The following LRMDA variants were observed in gnomAD, a reference collection of about 807,000 sequenced individuals.
LRMDA encodes leucine rich melanocyte differentiation associated.
Under a neutral mutation model 29.8 loss-of-function variants are expected in LRMDA, and 18 were observed. That is an observed-to-expected ratio of 0.60 (90% CI 0.42 to 0.90). LRMDA has a LOEUF of 0.90. Among genes scored for constraint, LRMDA ranks in the 40% least tolerant of loss-of-function variants. The probability of loss-of-function intolerance (pLI) is 0.00; values close to 1 mark genes in which losing one functional copy is unlikely to be tolerated. For synonymous variants in LRMDA, 125 were observed against 109.4 expected, an observed-to-expected ratio of 1.14 and a Z score of -0.89; for missense variants, 273 against 273.9, an observed-to-expected ratio of 1.00 and a Z score of 0.02.
intron 2 of LRMDA, among the ~76,000 whole-genome samples, chr10:75,945,397 C>T (rs1172545837): frequency 6.6e-6 from 1 of 152,196 alleles, no homozygotes; most frequent in African/African-American, 2.4e-5. Flanking sequence ...TTTCTGGGAT[C>T]ACTCCCTTCA....
chr10:76,527,750 T>C (rs1359854320), intron 6 of LRMDA, among the ~76,000 whole-genome samples: 4 of 152,176 alleles, frequency 2.6e-5, no homozygotes, highest in Non-Finnish European at 5.9e-5. Context: ...TTGCCAGTAT[T>C]CAAACTCTAA....
chr10:76,490,969 T>C (rs189637221), intron 6 of LRMDA, among the ~76,000 whole-genome samples: 2 of 151,984 alleles, frequency 1.3e-5, no homozygotes, highest in African/African-American at 4.8e-5. Flanking sequence ...ACAAATAATA[T>C]GAGGCTTGCA....
chr10:75,747,196 A>G (rs1589184574), intron 2 of LRMDA, among the ~76,000 whole-genome samples: 1 of 152,146 alleles, frequency 6.6e-6, no homozygotes, highest in Non-Finnish European at 1.5e-5. Flanking sequence ...AATTTTTCGT[A>G]TCTTTTATTA....
chr10:76,128,856 G>T (rs72815521), intron 5 of LRMDA, among the ~76,000 whole-genome samples: 21,993 of 152,138 alleles, frequency 0.14, 1,957 homozygotes, highest in Admixed American at 0.23. Flanking sequence ...TTCTATCTAA[G>T]GCAAATTCAT....
chr10:75,947,175 T>C (rs1846490180), intron 2 of LRMDA, among the ~76,000 whole-genome samples: 1 of 152,178 alleles, frequency 6.6e-6, no homozygotes, highest in Admixed American at 6.5e-5. Flanking sequence ...TTAATCCTAG[T>C]GTGGTACTAG....
At chr10:75,574,817 C>T (rs1222826464) in intron 2 of LRMDA, among the ~76,000 whole-genome samples, 1 of 152,152 alleles carries the variant, frequency 6.6e-6, no homozygotes, top group Non-Finnish European at 1.5e-5. Flanking sequence ...TCCCTGAAGT[C>T]CCTTCAGGCA....
chr10:75,483,275 A>G (rs1352624043), intron 2 of LRMDA, among the ~76,000 whole-genome samples: 1 of 152,182 alleles, frequency 6.6e-6, no homozygotes, highest in African/African-American at 2.4e-5. Flanking sequence ...ATTGCTGTGT[A>G]TGACATTCAT....
rs549673339 is a variant in LRMDA, at chr10:76,401,673, G to C, written c.601+77188G>C. ...CACATGCCCTGTATTCCAGGTCACA[G>C]AGTAAGGACCCTGGGTACCTGGGAG... On this transcript the variant is annotated intron_variant, in intron 6 of 6. Coordinates refer to ENST00000611255, the MANE Select transcript of LRMDA (RefSeq NM_001305581.2). Among the ~76,000 whole-genome samples, 5 of 152,274 alleles carry C rather than the reference G, an allele frequency of 3.3e-5. 1 individual carries two copies. The highest frequency in any genetic ancestry group is 1.2e-4 in the African/African-American group (5 of 41,548).
At chr10:75,490,115 C>T (rs1295794316) in intron 2 of LRMDA, among the ~76,000 whole-genome samples, 1 of 152,152 alleles carries the variant, frequency 6.6e-6, no homozygotes, top group Admixed American at 6.5e-5. Flanking sequence ...CTTTCCTACT[C>T]TCTAAATGGA....
intron 6 of LRMDA, among the ~76,000 whole-genome samples, chr10:76,513,340 T>G (rs1843027029): frequency 6.6e-6 from 1 of 152,216 alleles, no homozygotes; most frequent in African/African-American, 2.4e-5. Context: ...ATATTTTTAG[T>G]ACATTTTAGA....
chr10:76,394,991 A>G (rs985508274), intron 6 of LRMDA, among the ~76,000 whole-genome samples: 1 of 152,182 alleles, frequency 6.6e-6, no homozygotes, highest in African/African-American at 2.4e-5. Context: ...TTTAGGCTTA[A>G]TTCTCATAAG....
At chr10:75,643,976 T>C (rs995301730) in intron 2 of LRMDA, among the ~76,000 whole-genome samples, 1 of 152,200 alleles carries the variant, frequency 6.6e-6, no homozygotes, top group Non-Finnish European at 1.5e-5. Context: ...TAAGAATAAT[T>C]AGGTGGCATG....
intron 2 of LRMDA, among the ~76,000 whole-genome samples, chr10:75,830,062 G>T (rs184163879): frequency 1.3e-5 from 2 of 152,160 alleles, no homozygotes; most frequent in Non-Finnish European, 2.9e-5. Context: ...GATGGAGTGG[G>T]AAGCATTTTT....
chr10:75,608,381 G>A (rs1048493684), intron 2 of LRMDA, among the ~76,000 whole-genome samples: 17 of 152,094 alleles, frequency 1.1e-4, no homozygotes, highest in African/African-American at 3.4e-4. Flanking sequence ...TTTCAGTTAT[G>A]TAGGATGTAA....
chr10:76,462,800 G>T (rs1198340690), intron 6 of LRMDA, among the ~76,000 whole-genome samples: 1 of 152,178 alleles, frequency 6.6e-6, no homozygotes. Flanking sequence ...AGCACACAGG[G>T]AACAGTGGGG....
At chr10:75,959,126 A>T (rs1340828962) in intron 2 of LRMDA, among the ~76,000 whole-genome samples, 1 of 152,188 alleles carries the variant, frequency 6.6e-6, no homozygotes, top group Non-Finnish European at 1.5e-5. Flanking sequence ...AGTAAGTGGC[A>T]GATCTGAGAA....
chr10:75,887,060 G>T (rs1199252787), intron 2 of LRMDA, among the ~76,000 whole-genome samples: 2 of 151,856 alleles, frequency 1.3e-5, no homozygotes, highest in Non-Finnish European at 2.9e-5. Context: ...ATTATAGATG[G>T]TTCTACCTTT....
chr10:76,246,379 A>G (rs1247487), intron 5 of LRMDA, among the ~76,000 whole-genome samples: 82,255 of 152,004 alleles, frequency 0.54, 22,430 homozygotes, highest in South Asian at 0.65. Flanking sequence ...CCTTGCAGTA[A>G]TTGCAGGGCT....
intron 2 of LRMDA, among the ~76,000 whole-genome samples, chr10:75,814,805 A>G (rs1844029735): frequency 6.6e-6 from 1 of 152,250 alleles, no homozygotes; most frequent in African/African-American, 2.4e-5. Context: ...AATGATGGGA[A>G]GTGGGATGTT....
Sources: allele counts gnomAD v4.1 joint callset (sites outside exome capture counted in the v4.1 genomes callset), GRCh38; gene constraint gnomAD v4.1.1; transcripts MANE v1.5; gene names NCBI Gene and HGNC (gene_info 2026-07-23, HGNC 2026-07-21).